PDCD6IP: variants seen among roughly 807,000 people sequenced by gnomAD.
The protein encoded by PDCD6IP is programmed cell death 6-interacting protein.
In PDCD6IP, 43 loss-of-function variants were observed where a neutral mutation model predicts 103.7. The observed-to-expected ratio is 0.41, with a 90% CI of 0.32 to 0.53. The LOEUF is 0.53. Among genes scored for constraint, PDCD6IP ranks in the 20% least tolerant of loss-of-function variants. The pLI, the probability that PDCD6IP is intolerant of heterozygous loss-of-function variation, is 0.16. For synonymous variants in PDCD6IP, 354 were observed against 378.7 expected, an observed-to-expected ratio of 0.93 and a Z score of 0.76; for missense variants, 871 against 1,036.7, an observed-to-expected ratio of 0.84 and a Z score of 2.20.
At chr3:33,857,267 G>C (rs1042695615) in intron 15 of PDCD6IP, among the ~76,000 whole-genome samples, 3 of 152,036 alleles carry the variant, frequency 2.0e-5, no homozygotes, top group Non-Finnish European at 4.4e-5. Context: ...TGCAACCTCT[G>C]CCTCCCGGGT....
chr3:33,821,940 C>T lies in PDCD6IP; in HGVS notation c.335-15C>T, dbSNP rs149292883. 4.5e-4 allele frequency: 715 copies of T among 1,598,038 alleles called. 1 individual carries two copies. The East Asian group carries it at 7.0e-3, about 16-fold the overall frequency. On this transcript the variant is annotated splice_polypyrimidine_tract_variant and intron_variant, in intron 3 of 17. Transcript: ENST00000307296. ...AAAATAATCTGATGAATTTTTCCTTCTCAATTTTTTACAGCTCTTGCAAGC... is the reference window on the plus strand; with the variant it reads ...AAAATAATCTGATGAATTTTTCCTTTTCAATTTTTTACAGCTCTTGCAAGC...
At chr3:33,860,492 A>G (rs185998094) in intron 15 of PDCD6IP, among the ~76,000 whole-genome samples, 2 of 152,350 alleles carry the variant, frequency 1.3e-5, no homozygotes. Flanking sequence ...ATCAATACAC[A>G]GAAAATTCTC....
chr3:33,838,617 T>G (rs1343712867), intron 9 of PDCD6IP, among the ~76,000 whole-genome samples: 2 of 152,044 alleles, frequency 1.3e-5, no homozygotes, highest in Non-Finnish European at 2.9e-5. Flanking sequence ...ATGGTACATT[T>G]AGTGTTCTGA....
intron 9 of PDCD6IP, among the ~76,000 whole-genome samples, chr3:33,840,858 G>A (rs1697452283): frequency 1.3e-5 from 2 of 152,164 alleles, no homozygotes; most frequent in Admixed American, 1.3e-4. Flanking sequence ...ACTATTTTGT[G>A]TATTGTTTCT....
chr3:33,818,169 A>G (rs1406871979), intron 3 of PDCD6IP, among the ~76,000 whole-genome samples: 1 of 132,250 alleles, frequency 7.6e-6, no homozygotes, highest in Admixed American at 9.3e-5. Context: ...GGGCAGTGGC[A>G]TGATCTCGGC....
At chr3:33,834,363 ACCTACGGTTCT>A (rs1446698109) in intron 7 of PDCD6IP, among the ~76,000 whole-genome samples, 1 of 152,138 alleles carries the variant, frequency 6.6e-6, no homozygotes, top group African/African-American at 2.4e-5. Flanking sequence ...TGTATAGCGT[ACCTACGGTTCT>A]GGTACTAGTG....
chr3:33,831,872 G>A (rs944407681), intron 7 of PDCD6IP, among the ~76,000 whole-genome samples: 2 of 152,030 alleles, frequency 1.3e-5, no homozygotes, highest in Non-Finnish European at 2.9e-5. Flanking sequence ...ATATAACAAT[G>A]TATCCTGAAG....
intron 1 of PDCD6IP, among the ~76,000 whole-genome samples, chr3:33,807,796 A>G (rs992334712): frequency 2.0e-5 from 3 of 152,238 alleles, no homozygotes; most frequent in South Asian, 2.1e-4. Context: ...CTCTTGTTAT[A>G]TAAGTAGTTA....
At chr3:33,832,593 A>C (rs1193465252) in intron 7 of PDCD6IP, among the ~76,000 whole-genome samples, 1 of 151,954 alleles carries the variant, frequency 6.6e-6, no homozygotes, top group Admixed American at 6.6e-5. Context: ...TTGTCCCCAA[A>C]CCATTTATTT....
In PDCD6IP at chr3:33,853,966, T is replaced by C. The variant is rs768180547; in HGVS notation, c.1978T>C (p.Tyr660His). Residue 660 changes from tyrosine (Y) to histidine (H), a missense_variant, in exon 14 of 18, where the codon TAT becomes CAT. By Grantham distance (83) the Tyr-to-His change is moderately conservative. Coordinates refer to ENST00000307296, the MANE Select transcript of PDCD6IP (RefSeq NM_013374.6). The stretch of plus-strand genomic sequence containing the variant: ...AGTTTTGAAGAATTTAGCTACTGCA[T>C]ATGACAACTTTGTTGAACTTGTAGC... The part of the protein sequence containing the change: ...EEVLKNLATA[Y>H]DNFVELVANL... 3 of 1,588,794 alleles carry C rather than the reference T, an allele frequency of 1.9e-6. No homozygotes were observed. The highest frequency in any genetic ancestry group is 1.9e-5 in the Admixed American group (1 of 53,898).
chr3:33,809,967 A>G (rs1696680412), intron 1 of PDCD6IP, among the ~76,000 whole-genome samples: 1 of 152,202 alleles, frequency 6.6e-6, no homozygotes, highest in Non-Finnish European at 1.5e-5. Context: ...TTTGTTCTGT[A>G]GTGGTAATGT....
At chr3:33,810,810 C>T (rs551458276) in intron 1 of PDCD6IP, among the ~76,000 whole-genome samples, 116 of 150,878 alleles carry the variant, frequency 7.7e-4, no homozygotes, top group African/African-American at 2.7e-3. Flanking sequence ...TGTCTGTAAA[C>T]AAACAAAAAA....
chr3:33,822,328 A>G (rs984707126), intron 4 of PDCD6IP, among the ~76,000 whole-genome samples: 3 of 152,218 alleles, frequency 2.0e-5, no homozygotes, highest in East Asian at 1.9e-4. Context: ...TAGAGGCTCA[A>G]TAATTGTTGG....
intron 15 of PDCD6IP, among the ~76,000 whole-genome samples, chr3:33,856,957 C>T (rs562929028): frequency 1.3e-5 from 2 of 151,910 alleles, no homozygotes; most frequent in South Asian, 2.1e-4. Flanking sequence ...AGTCTTATAC[C>T]GATGACCCTT....
chr3:33,861,864 G>A (rs1205001578), intron 15 of PDCD6IP, among the ~76,000 whole-genome samples: 1 of 152,146 alleles, frequency 6.6e-6, no homozygotes, highest in Non-Finnish European at 1.5e-5. Context: ...GAAGTTTAAA[G>A]CGTTTAAGAA....
chr3:33,799,155 T>C, intron 1 of PDCD6IP: 2 of 579,210 alleles, frequency 3.5e-6, no homozygotes, highest in Admixed American at 3.0e-5. Flanking sequence ...ACGTCTGCTC[T>C]AGCCCTTGGT....
At chr3:33,853,191 G>A (rs1697758667) in intron 13 of PDCD6IP, among the ~76,000 whole-genome samples, 1 of 152,104 alleles carries the variant, frequency 6.6e-6, no homozygotes, top group Non-Finnish European at 1.5e-5. Flanking sequence ...CCAAAGTGCT[G>A]GGATTACAGA....
At chr3:33,822,218 T>C in intron 4 of PDCD6IP, 136 bp downstream of exon 4, 1 of 872,624 alleles carries the variant, frequency 1.1e-6, no homozygotes, top group Non-Finnish European at 1.8e-6. Context: ...AAAATGAATT[T>C]ATTCTTACTG....
chr3:33,840,402 TACAC>T (rs1697442524), intron 9 of PDCD6IP, among the ~76,000 whole-genome samples: 1 of 152,190 alleles, frequency 6.6e-6, no homozygotes, highest in Non-Finnish European at 1.5e-5. Flanking sequence ...AGTCCACAGG[TACAC>T]GGACTCATGT....
Sources: allele counts gnomAD v4.1 joint callset (sites outside exome capture counted in the v4.1 genomes callset), GRCh38; gene constraint gnomAD v4.1.1; transcripts MANE v1.5; gene names NCBI Gene and HGNC (gene_info 2026-07-23, HGNC 2026-07-21).